The following RYR3 variants were observed in gnomAD, a reference collection of about 807,000 sequenced individuals.
RYR3 encodes the protein brain ryanodine receptor-calcium release channel.
RYR3 carries 207 observed loss-of-function variants against 584.3 expected under a neutral mutation model. That is an observed-to-expected ratio of 0.35 (90% confidence interval 0.32 to 0.40). The LOEUF (loss-of-function observed/expected upper bound fraction) is 0.40. RYR3 is among the 10% of genes least tolerant of loss of function. The pLI is 1.00. For missense variants in RYR3, 5,616 were observed against 6,089.2 expected (o/e 0.92, Z 2.59); for synonymous variants, 2,416 against 2,248.5 (o/e 1.07, Z -2.11).
chr15:33,859,467 G>C (rs7180084), intron 99 of RYR3, 108 bp from the exon 100 acceptor site: 1,086,233 of 1,274,450 alleles, frequency 0.85, 464,149 homozygotes, highest in East Asian at 0.99. Context: ...TTCCCCTCTC[G>C]TGGCTTAGGG....
At chr15:33,509,308 A>C (rs1453916740) in intron 3 of RYR3, among the ~76,000 whole-genome samples, 1 of 152,234 alleles carries the variant, frequency 6.6e-6, no homozygotes, top group Non-Finnish European at 1.5e-5. Flanking sequence ...TAGGATCCTT[A>C]CTTCTTTCTT....
At chr15:33,721,775 TTTA>T (rs1277691973) in intron 43 of RYR3, among the ~76,000 whole-genome samples, 2 of 152,208 alleles carry the variant, frequency 1.3e-5, no homozygotes, top group African/African-American at 4.8e-5. Context: ...GAGTTTTTTT[TTTA>T]TTAAGTTGTT....
chr15:33,865,340 T>TAAAAA lies in RYR3; in HGVS notation c.*120_*124dup. The TAAAAA allele has an allele frequency of 4.8e-6, 3 of 622,138 alleles. No homozygotes were observed. In the South Asian group the frequency reaches 7.2e-5, roughly 15 times the overall value. The allele number at this position is 622,138 out of a possible 1,614,324, so 38.5% of individuals were successfully genotyped here. A position where few individuals can be genotyped will look rare whatever the true frequency, so the allele number is the denominator to read the frequency against. On this transcript the variant is annotated 3_prime_UTR_variant, in exon 104 of 104. Transcript: ENST00000634891. ...TGTGACATTTTCTAAATGCCTCCCT[T>TAAAAA]AAAAAAAAAACTGCTGAAAATCTGT...
chr15:33,332,168 TG>T (rs1244678961), intron 1 of RYR3, among the ~76,000 whole-genome samples: 2 of 152,072 alleles, frequency 1.3e-5, no homozygotes, highest in Non-Finnish European at 2.9e-5. Context: ...GACAACTTAA[TG>T]GGCTTATCCT....
At position 33,693,699 on chromosome 15, in the gene RYR3, G is replaced by A. The variant is rs113837015; in HGVS notation, c.5861-2519G>A. 4.6e-5 allele frequency among the ~76,000 whole-genome samples: 7 copies of A among 152,326 alleles called. No individual in the cohort carries two copies. The East Asian group carries it at 1.2e-3, about 25-fold the overall frequency. Reference sequence around the variant, plus strand: ...GGAGGAGCCCTCCCAAGGGCTGTAGGTTGCAGAATAGGATTCTGAATTGAC... The same window carrying A: ...GGAGGAGCCCTCCCAAGGGCTGTAGATTGCAGAATAGGATTCTGAATTGAC... On this transcript the variant is annotated intron_variant, in intron 38 of 103. Coordinates refer to ENST00000634891, the MANE Select transcript of RYR3 (RefSeq NM_001036.6).
At chr15:33,720,385 C>T (rs930321306) in intron 43 of RYR3, among the ~76,000 whole-genome samples, 4 of 152,208 alleles carry the variant, frequency 2.6e-5, no homozygotes, top group African/African-American at 7.2e-5. Context: ...CACCCCACCC[C>T]ATCCCCATTC....
chr15:33,617,869 T>A (rs1038258453), intron 19 of RYR3, among the ~76,000 whole-genome samples: 1 of 152,198 alleles, frequency 6.6e-6, no homozygotes, highest in Non-Finnish European at 1.5e-5. Context: ...CAAATCAATG[T>A]CATAGCCTCT....
intron 60 of RYR3, among the ~76,000 whole-genome samples, chr15:33,763,033 A>T (rs555254501): frequency 3.3e-5 from 5 of 152,358 alleles, no homozygotes; most frequent in African/African-American, 1.2e-4. Flanking sequence ...TTCTCTACTT[A>T]ATAAATGGTG....
Position 33,585,998 on chromosome 15 carries a change from G to C in RYR3, c.1670G>C (p.Gly557Ala). The change falls in exon 16 of 104, where the codon GGT (glycine) becomes GCT (alanine). Residue 557 changes from glycine (G) to alanine (A), a missense_variant and splice_region_variant. Physicochemically the swap from Gly to Ala is moderately conservative, Grantham distance 60. Around this residue, in one of 9 missense-constraint regions of RYR3, gnomAD observed 1,284 missense variants for 1,344.6 expected, o/e 0.95. Transcript: ENST00000634891. ...TTTGATGTTTGTGGCATTCATGTAG[G>C]TATCTTGGAAGTTTTGCACTGCATC... ...SKLDRLESSS[G>A]ILEVLHCILT... 2 of 1,587,818 alleles carry C rather than the reference G, an allele frequency of 1.3e-6. No homozygotes were observed. The highest frequency in any genetic ancestry group is 1.7e-6 in the Non-Finnish European group (2 of 1,156,104).
chr15:33,817,877 C>A (rs140230314), intron 75 of RYR3, among the ~76,000 whole-genome samples: 104 of 152,272 alleles, frequency 6.8e-4, no homozygotes, highest in African/African-American at 2.4e-3. Context: ...TTACCAAATA[C>A]GGTCCACCCT....
intron 18 of RYR3, among the ~76,000 whole-genome samples, chr15:33,604,595 G>A (rs2059819578): frequency 6.6e-6 from 1 of 152,194 alleles, no homozygotes; most frequent in Non-Finnish European, 1.5e-5. Flanking sequence ...GTGTCCCAGA[G>A]GACAATGTGG....
chr15:33,438,176 T>G (rs1328406102), intron 1 of RYR3, among the ~76,000 whole-genome samples: 2 of 152,064 alleles, frequency 1.3e-5, no homozygotes, highest in African/African-American at 2.4e-5. Context: ...ACATTTAAAA[T>G]CTCTTGGCAA....
In RYR3 at chr15:33,865,841, T is replaced by C. The variant is rs1296334729; in HGVS notation, c.*615T>C. 1 of 152,854 alleles carries C rather than the reference T, an allele frequency of 6.5e-6. No homozygotes were observed. Among genetic ancestry groups the C allele is most frequent in the Non-Finnish European group, 1.5e-5 (1 of 68,194 alleles). 9.5% of individuals were successfully genotyped at this position (152,854 alleles called of 1,614,324 possible). ...TTTGTGTTCCAGAAGGACAGTTCCATTCATTAGTTGTGATCTTCCGTCTTA... is the reference window on the plus strand; with the variant it reads ...TTTGTGTTCCAGAAGGACAGTTCCACTCATTAGTTGTGATCTTCCGTCTTA... On this transcript the variant is annotated 3_prime_UTR_variant, in exon 104 of 104. Coordinates refer to ENST00000634891, the MANE Select transcript of RYR3 (RefSeq NM_001036.6).
At chr15:33,861,300 G>A (rs1597113564) in intron 102 of RYR3, 122 bp downstream of exon 102, 2 of 640,960 alleles carry the variant, frequency 3.1e-6, no homozygotes, top group Middle Eastern at 2.6e-4. Flanking sequence ...GAGTCCCCAT[G>A]AGCCTGTACC....
intron 60 of RYR3, among the ~76,000 whole-genome samples, chr15:33,760,316 C>T (rs1399542142): frequency 6.6e-6 from 1 of 151,956 alleles, no homozygotes; most frequent in Admixed American, 6.6e-5. Flanking sequence ...GCGAAATGCC[C>T]CAATTAAAAG....
chr15:33,486,435 G>A (rs913721624), intron 2 of RYR3, among the ~76,000 whole-genome samples: 14 of 152,022 alleles, frequency 9.2e-5, no homozygotes, highest in Middle Eastern at 3.2e-3. Context: ...TTTGTTGTTC[G>A]TATAAAGGAC....
chr15:33,562,907 A>G lies in RYR3; in HGVS notation c.1043A>G (p.Tyr348Cys), dbSNP rs759179284. The G allele has an allele frequency of 1.2e-6, 2 of 1,613,770 alleles. No homozygotes were observed. The highest frequency in any genetic ancestry group is 2.2e-5 in the South Asian group (2 of 91,078). ...IEGMGVPEIKYGDSVCFVQHI... is the reference protein window; with the variant it reads ...IEGMGVPEIKCGDSVCFVQHI... ...GGCATGGGAGTTCCAGAAATCAAGT[A>G]TGGAGATTCTGTCTGCTTTGTGCAG... The change falls in exon 11 of 104, where the codon TAT (tyrosine) becomes TGT (cysteine). Residue 348 changes from tyrosine (Y) to cysteine (C), a missense_variant. By Grantham distance (194) the Tyr-to-Cys change is radical. Transcript: ENST00000634891.
intron 38 of RYR3, among the ~76,000 whole-genome samples, chr15:33,677,632 T>C (rs1044847990): frequency 5.3e-5 from 8 of 152,226 alleles, no homozygotes; most frequent in Non-Finnish European, 1.0e-4. Context: ...ACAGTCTTAC[T>C]GGCTTGCAGG....
chr15:33,620,834 C>T (rs1427397005), intron 19 of RYR3, among the ~76,000 whole-genome samples: 1 of 152,202 alleles, frequency 6.6e-6, no homozygotes, highest in African/African-American at 2.4e-5. Flanking sequence ...TCTGTTCAAT[C>T]TGCCTGCTGA....
Sources: allele counts gnomAD v4.1 joint callset (sites outside exome capture counted in the v4.1 genomes callset), GRCh38; gene constraint gnomAD v4.1.1; regional missense constraint gnomAD v4.1.1; transcripts MANE v1.5; gene names NCBI Gene and HGNC (gene_info 2026-07-23, HGNC 2026-07-21).